The following CCDC47 variants were observed in gnomAD, a reference collection of about 807,000 sequenced individuals.
CCDC47 encodes the protein coiled-coil domain containing 47, also known as PAT complex subunit CCDC47.
CCDC47 carries 41 observed loss-of-function variants against 60.5 expected under a neutral mutation model. The observed-to-expected ratio is 0.68, with a 90% CI of 0.53 to 0.88. The LOEUF is 0.88. Ranked by LOEUF, CCDC47 falls within the 40% of genes least tolerant of loss-of-function variation. The pLI is 0.00. For synonymous variants in CCDC47, 195 were observed against 190.7 expected, an observed-to-expected ratio of 1.02 and a Z score of -0.18; for missense variants, 513 against 580.9, an observed-to-expected ratio of 0.88 and a Z score of 1.20.
At chr17:63,750,097 CA>C (rs954288398) in intron 12 of CCDC47, among the ~76,000 whole-genome samples, 2 of 152,000 alleles carry the variant, frequency 1.3e-5, no homozygotes, top group African/African-American at 4.8e-5. Context: ...AGTGGTAGTT[CA>C]AAAAAATTAA....
In CCDC47 at chr17:63,751,924, G is replaced by A. The variant is rs1480298391; in HGVS notation, c.1371+16C>T. ...TTACAAATCGTAGTTTTACCCCAGT[G>A]ATAAGTTTGTCTAACCTCCAGCCTG... On this transcript the variant is annotated intron_variant, in intron 12 of 12. Coordinates refer to ENST00000225726, the MANE Select transcript of CCDC47 (RefSeq NM_020198.3). 2.5e-6 allele frequency: 4 copies of A among 1,613,274 alleles called. No homozygotes were observed. Among genetic ancestry groups the A allele is most frequent in the Non-Finnish European group, 3.4e-6 (4 of 1,179,846 alleles).
Position 63,771,927 on chromosome 17 carries a change from C to T in CCDC47, c.-20+1485G>A, listed in dbSNP as rs1352145353. ...TGAAACCCCACCTCTACTAAAAATA[C>T]AAAAATTAGCCGGGCGTGGTGGCAG... On this transcript the variant is annotated intron_variant, in intron 1 of 12. Transcript: ENST00000225726. 2.0e-5 allele frequency among the ~76,000 whole-genome samples: 3 copies of T among 151,848 alleles called. No individual in the cohort carries two copies. The East Asian group carries it at 5.8e-4, about 29-fold the overall frequency.
At chr17:63,762,906 G>T (rs562809203) in intron 4 of CCDC47, among the ~76,000 whole-genome samples, 2 of 152,130 alleles carry the variant, frequency 1.3e-5, no homozygotes, top group Admixed American at 1.3e-4. Flanking sequence ...TGAAAGATGA[G>T]AAAATTATTA....
At chr17:63,760,564 C>T (rs1255118971) in intron 6 of CCDC47, among the ~76,000 whole-genome samples, 1 of 152,164 alleles carries the variant, frequency 6.6e-6, no homozygotes, top group Admixed American at 6.5e-5. Flanking sequence ...CTGGGGAAAG[C>T]GTGATGGCTC....
At chr17:63,753,008 A>C in intron 9 of CCDC47, 1 of 803,078 alleles carries the variant, frequency 1.2e-6, no homozygotes, top group Non-Finnish European at 1.5e-6. Flanking sequence ...AGTGATCTTT[A>C]TCCTATATTT....
At position 63,765,508 on chromosome 17, in the gene CCDC47, T is replaced by C. The variant is rs1198616477; in HGVS notation, c.264+404A>G. ...GGCACGCACCACCACGCCCAGCTAA[T>C]TTTGTATTTTTAGTAGAGACAGGGT... On this transcript the variant is annotated intron_variant, in intron 2 of 12. Coordinates refer to ENST00000225726, the MANE Select transcript of CCDC47 (RefSeq NM_020198.3). 8 of 160,010 alleles carry C rather than the reference T, an allele frequency of 5.0e-5. No individual in the cohort carries two copies. In the Admixed American group the frequency reaches 5.2e-4, roughly 10 times the overall value. 9.9% of individuals were successfully genotyped at this position (160,010 alleles called of 1,614,324 possible). A position where few individuals can be genotyped will look rare whatever the true frequency, so the allele number is the denominator to read the frequency against.
chr17:63,752,622 G>T, intron 10 of CCDC47, 119 bp downstream of exon 10: 1 of 1,043,276 alleles, frequency 9.6e-7, no homozygotes, highest in South Asian at 2.0e-5. Flanking sequence ...AAATCAGTAA[G>T]CAAGCACAGG....
chr17:63,768,954 G>A (rs992334047), intron 1 of CCDC47, among the ~76,000 whole-genome samples: 4 of 151,874 alleles, frequency 2.6e-5, no homozygotes, highest in African/African-American at 7.3e-5. Flanking sequence ...AGCGTGTGGC[G>A]TGACTTGTAA....
intron 4 of CCDC47, chr17:63,761,722 G>A (rs1218905559): frequency 2.0e-5 from 10 of 492,184 alleles, no homozygotes; most frequent in African/African-American, 4.3e-5. Context: ...AAACAAGGCC[G>A]AATACCTCAC....
chr17:63,757,057 G>T (rs76053661), intron 6 of CCDC47, among the ~76,000 whole-genome samples: 213 of 151,756 alleles, frequency 1.4e-3, no homozygotes, highest in Non-Finnish European at 2.7e-3. Flanking sequence ...GACCAGACCC[G>T]ATCTCTAAAA....
rs1888070806 is a variant in CCDC47 at position 63,756,224 on chromosome 17, C to T, written c.948+16G>A. On this transcript the variant is annotated intron_variant, in intron 8 of 12. Transcript: ENST00000225726. The stretch of plus-strand genomic sequence containing the variant: ...ATGCCAAGGCCTGGCAAATGTATGT[C>T]TTCTGTCGCATTTACCTTTGTATCC... 1.3e-6 allele frequency: 2 copies of T among 1,569,738 alleles called. No individual in the cohort carries two copies. Among genetic ancestry groups the T allele is most frequent in the African/African-American group, 1.3e-5 (1 of 74,124 alleles).
chr17:63,753,881 G>C (rs2039185105), intron 9 of CCDC47, among the ~76,000 whole-genome samples: 1 of 152,134 alleles, frequency 6.6e-6, no homozygotes, highest in South Asian at 2.1e-4. Context: ...GCCAAGGCAG[G>C]TGGATCACGA....
Position 63,761,218 on chromosome 17 carries a change from T to C in CCDC47, c.669+12A>G. 4.3e-6 allele frequency: 7 copies of C among 1,614,002 alleles called. No individual in the cohort carries two copies. Among genetic ancestry groups the C allele is most frequent in the Non-Finnish European group, 5.9e-6 (7 of 1,179,958 alleles). ...GGGAAGATATATATCGTACAAGAAG[T>C]TTCCTACTTACCCTCAGCTGGATAA... On this transcript the variant is annotated intron_variant, in intron 5 of 12. Coordinates refer to ENST00000225726, the MANE Select transcript of CCDC47 (RefSeq NM_020198.3).
intron 12 of CCDC47, chr17:63,747,633 C>T: frequency 7.1e-6 from 7 of 985,280 alleles, no homozygotes; most frequent in Middle Eastern, 5.2e-4. Flanking sequence ...CTAGTGGTCA[C>T]ACCTGATTAA....
Position 63,746,977 on chromosome 17 carries a change from G to A in CCDC47, c.1372-16C>T, listed in dbSNP as rs2039125025. On this transcript the variant is annotated splice_polypyrimidine_tract_variant and intron_variant, in intron 12 of 12. Transcript: ENST00000225726. Reference sequence around the variant, plus strand: ...ATGCAGCCTCCTAGAGAAAGAAGGGGTAATAAATAGAGAAAGGGAGTGGGG... The same window carrying A: ...ATGCAGCCTCCTAGAGAAAGAAGGGATAATAAATAGAGAAAGGGAGTGGGG... 6.2e-7 allele frequency: 1 copy of A among 1,612,084 alleles called. No homozygotes were observed. Among genetic ancestry groups the A allele is most frequent in the Non-Finnish European group, 8.5e-7 (1 of 1,178,886 alleles).
At chr17:63,772,588 A>T (rs1262204832) in intron 1 of CCDC47, among the ~76,000 whole-genome samples, 1 of 151,970 alleles carries the variant, frequency 6.6e-6, no homozygotes, top group Admixed American at 6.5e-5. Context: ...CTTTTTTTTC[A>T]TATAGAAGCA....
chr17:63,764,338 C>A (rs1490029260), intron 3 of CCDC47, 148 bp from the exon 4 acceptor site: 1 of 619,038 alleles, frequency 1.6e-6, no homozygotes, highest in South Asian at 2.3e-5. Context: ...AAAATAGGTC[C>A]ATTTTACTTT....
chr17:63,758,502 G>C (rs1364877270), intron 6 of CCDC47, among the ~76,000 whole-genome samples: 1 of 145,004 alleles, frequency 6.9e-6, no homozygotes, highest in Non-Finnish European at 1.5e-5. Context: ...AGCAAATCTC[G>C]GTCTCTAGAA....
At chr17:63,766,431 CT>C (rs955695372) in intron 1 of CCDC47, among the ~76,000 whole-genome samples, 2 of 151,296 alleles carry the variant, frequency 1.3e-5, no homozygotes, top group African/African-American at 2.4e-5. Context: ...TATTTAATTT[CT>C]TTTTTTTTGA....
Sources: gnomAD v4.1 joint callset for allele counts (sites outside exome capture counted in the v4.1 genomes callset) on GRCh38, gnomAD v4.1.1 for gene constraint, MANE v1.5 for transcripts, NCBI Gene and HGNC (gene_info 2026-07-23, HGNC 2026-07-21) for gene names.